Variants in LIG1 observed in about 807,000 individuals in gnomAD.
LIG1 encodes the protein ligase I, DNA, ATP-dependent.
A neutral mutation model predicts 115.7 loss-of-function variants in LIG1; 70 were observed. The observed-to-expected ratio is 0.60, with a 90% CI of 0.50 to 0.74. LIG1 has a LOEUF of 0.74. Ranked by LOEUF, LIG1 falls within the 30% of genes least tolerant of loss-of-function variation. The pLI is 0.00. For missense variants in LIG1, 1,115 were observed against 1,225.6 expected (o/e 0.91, Z 1.35); for synonymous variants, 487 against 495.3 (o/e 0.98, Z 0.22).
At position 48,151,277 on chromosome 19, in the gene LIG1, C is replaced by A; in HGVS notation, c.529G>T (p.Asp177Tyr). Reference sequence around the variant, plus strand: ...GGAGGCGTGGTGGGCTGGTCCCCGTCTTCTCCTTCCTTCTCTGTGGCCACT... The same window carrying A: ...GGAGGCGTGGTGGGCTGGTCCCCGTATTCTCCTTCCTTCTCTGTGGCCACT... ...AEVATEKEGE[D>Y]GDQPTTPPKP... The change falls in exon 7 of 28, where the codon GAC (aspartate) becomes TAC (tyrosine). Residue 177 changes from aspartate to tyrosine, a missense_variant. Asp to Tyr is a radical substitution (Grantham distance 160). Transcript: ENST00000263274. The A allele has an allele frequency of 6.2e-7, 1 of 1,612,716 alleles. No individual in the cohort carries two copies.
intron 21 of LIG1, among the ~76,000 whole-genome samples, chr19:48,125,511 C>T (rs1219909991): frequency 2.6e-5 from 4 of 152,042 alleles, no homozygotes; most frequent in Admixed American, 6.5e-5. Flanking sequence ...GGAGAAAAAA[C>T]GTTTACAGAC....
chr19:48,129,474 AGCTCAGTGAGG>A (rs543766581), intron 19 of LIG1, among the ~76,000 whole-genome samples: 7 of 152,296 alleles, frequency 4.6e-5, no homozygotes, highest in African/African-American at 1.4e-4. Context: ...CTGGGCTGTG[AGCTCAGTGAGG>A]GCAGAGACCA....
chr19:48,129,286 A>G lies in LIG1; in HGVS notation c.1822-1266T>C, dbSNP rs531346690. Among the ~76,000 whole-genome samples, 8 of 152,194 alleles carry G rather than the reference A, an allele frequency of 5.3e-5. No individual in the cohort carries two copies. In the South Asian group the frequency reaches 8.3e-4, roughly 16 times the overall value. ...GGCTGGTCTCGAACTCCTAACCTCA[A>G]GTGATTCACCCGCCTTGCCCTCCCA... On this transcript the variant is annotated intron_variant, in intron 19 of 27. Coordinates refer to ENST00000263274, the MANE Select transcript of LIG1 (RefSeq NM_000234.3).
Position 48,117,733 on chromosome 19 carries a change from C to T in LIG1, c.2488G>A (p.Val830Met). The T allele has an allele frequency of 6.2e-7, 1 of 1,613,216 alleles. No individual in the cohort carries two copies. Among genetic ancestry groups the T allele is most frequent in the Non-Finnish European group, 8.5e-7 (1 of 1,179,816 alleles). Residue 830 changes from valine to methionine, a missense_variant, in exon 26 of 28, where the codon GTG (valine) becomes ATG (methionine). Transcript: ENST00000263274. ...GGGTCCAGCCAGTGGTCGGGAATCA[C>T]AGCGCCATCTATCCGCACGTAAGGG... The part of the protein sequence containing the change: ...PRPYVRIDGA[V>M]IPDHWLDPSA...
Position 48,162,298 on chromosome 19 carries a change from G to A in LIG1, c.71C>T (p.Ala24Val), listed in dbSNP as rs3730855. Reference protein sequence around the residue: ...EGKAKKPEKEASNSSRETEPP... With the variant: ...EGKAKKPEKEVSNSSRETEPP... ...CTCCGTCTCTCTGCTGCTATTGGAT[G>A]CCTCCTTCTCAGGCTTCTTTGCTTT... The change falls in exon 3 of 28, where the codon GCA (alanine) becomes GTA (valine). Residue 24 changes from alanine (A) to valine (V), a missense_variant. Physicochemically the swap from Ala to Val is moderately conservative, Grantham distance 64 (BLOSUM62 0). Transcript: ENST00000263274. 1,304 of 1,613,994 alleles carry A rather than the reference G, an allele frequency of 8.1e-4. 15 individuals carry two copies. In the African/African-American group the frequency reaches 0.015, roughly 19 times the overall value.
chr19:48,116,720 T>C (rs1027100914), intron 26 of LIG1, among the ~76,000 whole-genome samples: 2 of 152,214 alleles, frequency 1.3e-5, no homozygotes, highest in Non-Finnish European at 2.9e-5. Context: ...AGTGACACGC[T>C]GATGACCACA....
chr19:48,142,455 A>AAAAAAAAAAAAAAAAAAC (rs1477820876), intron 11 of LIG1, among the ~76,000 whole-genome samples: 16 of 150,814 alleles, frequency 1.1e-4, no homozygotes, highest in Admixed American at 3.3e-4. Flanking sequence ...AAAAAAAAAA[A>AAAAAAAAAAAAAAAAAAC]AACAGAGTGC....
At chr19:48,138,919 C>G (rs1303882441) in intron 12 of LIG1, among the ~76,000 whole-genome samples, 1 of 152,164 alleles carries the variant, frequency 6.6e-6, no homozygotes, top group Non-Finnish European at 1.5e-5. Flanking sequence ...TGAGTCTCAT[C>G]TCCTCTGGCT....
At chr19:48,118,219 A>AT (rs1230428799) in intron 25 of LIG1, among the ~76,000 whole-genome samples, 1 of 152,132 alleles carries the variant, frequency 6.6e-6, no homozygotes, top group Non-Finnish European at 1.5e-5. Context: ...TGGGACAGAG[A>AT]TGGTGTCAGG....
chr19:48,154,002 G>T lies in LIG1; in HGVS notation c.371-35C>A, dbSNP rs200617134. 5.0e-4 allele frequency: 779 copies of T among 1,566,612 alleles called. 6 individuals are homozygous for T. Among genetic ancestry groups the T allele is most frequent in the Non-Finnish European group, 2.6e-4 (297 of 1,137,696 alleles). On this transcript the variant is annotated intron_variant, in intron 5 of 27. Coordinates refer to ENST00000263274, the MANE Select transcript of LIG1 (RefSeq NM_000234.3). ...CAAAGGGCTTGGTGTATCTGACCTC[G>T]CTGGCTCGTGTGCTCCCATCCCGGA...
At chr19:48,134,091 T>A (rs1443204846) in intron 16 of LIG1, 25 bp from the exon 17 acceptor site, 2 of 1,541,180 alleles carry the variant, frequency 1.3e-6, no homozygotes, top group East Asian at 4.9e-5. Context: ...GAGAACAAGA[T>A]AGGGGAAGCC....
At chr19:48,159,634 G>C (rs746074934) in intron 4 of LIG1, among the ~76,000 whole-genome samples, 3 of 152,214 alleles carry the variant, frequency 2.0e-5, no homozygotes, top group Non-Finnish European at 4.4e-5. Context: ...AGTGGAAGAG[G>C]GTGGCAGGAG....
chr19:48,155,431 T>C (rs2035774061), intron 5 of LIG1, among the ~76,000 whole-genome samples: 1 of 152,106 alleles, frequency 6.6e-6, no homozygotes, highest in African/African-American at 2.4e-5. Context: ...GCACGTGCCC[T>C]TCTTGTCTGA....
intron 6 of LIG1, 99 bp downstream of exon 6, chr19:48,153,773 C>CACACACCCTT (rs36137616): frequency 3.0e-6 from 1 of 337,484 alleles, no homozygotes; most frequent in Non-Finnish European, 5.3e-6. Context: ...CACACACACA[C>CACACACCCTT]CTCTCCTTCT....
intron 5 of LIG1, chr19:48,154,378 A>G: frequency 3.5e-6 from 1 of 284,210 alleles, no homozygotes; most frequent in Non-Finnish European, 7.0e-6. Context: ...AACTAGCCCC[A>G]GGAGAGGCCC....
chr19:48,133,151 G>C (rs921565084), intron 17 of LIG1, 54 bp from the exon 18 acceptor site: 1 of 1,158,466 alleles, frequency 8.6e-7, no homozygotes, highest in African/African-American at 1.5e-5. Context: ...GATTAGAGGG[G>C]GAACATGGAG....
chr19:48,146,745 C>A (rs2035140220), intron 9 of LIG1, among the ~76,000 whole-genome samples: 1 of 152,188 alleles, frequency 6.6e-6, no homozygotes, highest in Non-Finnish European at 1.5e-5. Context: ...TACAGTAGGA[C>A]ACTGATTTTA....
chr19:48,136,017 G>A lies in LIG1; in HGVS notation c.1423+17C>T, dbSNP rs776210370. The stretch of plus-strand genomic sequence containing the variant: ...TAACTCCAGCGAGGGATGCAGAGAC[G>A]GGCCACAGGAGCTCACCTTGGCCCG... On this transcript the variant is annotated intron_variant, in intron 15 of 27. Coordinates refer to ENST00000263274, the MANE Select transcript of LIG1 (RefSeq NM_000234.3). 130 of 1,544,392 alleles carry A rather than the reference G, an allele frequency of 8.4e-5. No homozygotes were observed. Among genetic ancestry groups the A allele is most frequent in the East Asian group, 3.6e-4 (15 of 41,266 alleles).
At chr19:48,127,873 AC>A in intron 20 of LIG1, 36 bp downstream of exon 20, 1 of 1,519,238 alleles carries the variant, frequency 6.6e-7, no homozygotes, top group Non-Finnish European at 9.1e-7. Context: ...ATGAGGAAGT[AC>A]GGGGCCTTGG....
Sources: allele counts gnomAD v4.1 joint callset (sites outside exome capture counted in the v4.1 genomes callset), GRCh38; gene constraint gnomAD v4.1.1; transcripts MANE v1.5; gene names NCBI Gene and HGNC (gene_info 2026-07-23, HGNC 2026-07-21).